Variants in CADM2 observed in about 807,000 individuals in gnomAD.
The protein encoded by CADM2 is immunoglobulin superfamily member 4D.
CADM2 carries 12 observed loss-of-function variants against 49.8 expected under a neutral mutation model. The ratio of observed to expected loss-of-function variants is 0.24; its 90% confidence interval spans 0.15 to 0.39. The LOEUF is 0.39. Among genes scored for constraint, CADM2 ranks in the 10% least tolerant of loss-of-function variants. The probability of loss-of-function intolerance (pLI) is 1.00; values close to 1 mark genes in which losing one functional copy is unlikely to be tolerated. For missense variants in CADM2, 378 were observed against 492.3 expected (o/e 0.77, Z 2.20); for synonymous variants, 214 against 175.4 (o/e 1.22, Z -1.74).
intron 1 of CADM2, among the ~76,000 whole-genome samples, chr3:85,137,288 G>A (rs1230328859): frequency 2.0e-5 from 3 of 151,832 alleles, no homozygotes; most frequent in Non-Finnish European, 4.4e-5. Context: ...TATTTTATAA[G>A]ACTTTGTGTC....
chr3:85,878,977 A>T (rs1712337250), intron 3 of CADM2, among the ~76,000 whole-genome samples: 1 of 151,802 alleles, frequency 6.6e-6, no homozygotes. Context: ...GTGACCTCTT[A>T]AAAAATGTGT....
intron 1 of CADM2, among the ~76,000 whole-genome samples, chr3:85,009,460 T>C (rs1438637692): frequency 2.0e-5 from 3 of 152,188 alleles, no homozygotes; most frequent in Non-Finnish European, 4.4e-5. Flanking sequence ...GTTCCTCATA[T>C]GTAAAATAGA....
At chr3:85,780,462 TAAACAATA>T (rs984975336) in intron 2 of CADM2, among the ~76,000 whole-genome samples, 3 of 152,192 alleles carry the variant, frequency 2.0e-5, no homozygotes, top group African/African-American at 7.2e-5. Context: ...TTATATGTCA[TAAACAATA>T]AAACAAGAAA....
intron 1 of CADM2, among the ~76,000 whole-genome samples, chr3:85,558,253 C>T (rs1214663781): frequency 1.3e-5 from 2 of 151,858 alleles, no homozygotes; most frequent in Non-Finnish European, 2.9e-5. Context: ...GTAAATATAA[C>T]TGGAGGAAGA....
intron 1 of CADM2, among the ~76,000 whole-genome samples, chr3:85,504,183 G>T (rs1339251846): frequency 2.0e-5 from 3 of 151,884 alleles, no homozygotes; most frequent in Non-Finnish European, 4.4e-5. Flanking sequence ...GTGGGTTCGT[G>T]GTCTCGCTGG....
rs866759081 is a variant in CADM2 at position 85,912,615 on chromosome 3, A to G, written c.700+72A>G. ...TTCATCTGCATCTAAAATCATTTCA[A>G]AACTACCTGAAGTTATAGCAAAGGT... On this transcript the variant is annotated intron_variant, in intron 6 of 9. Coordinates refer to ENST00000383699, the MANE Select transcript of CADM2 (RefSeq NM_001167675.2). The G allele has an allele frequency of 1.4e-5, 20 of 1,445,070 alleles. No homozygotes were observed. The Middle Eastern group carries it at 2.5e-3, about 182-fold the overall frequency. 89.5% of individuals were successfully genotyped at this position (1,445,070 alleles called of 1,614,324 possible).
chr3:85,412,177 T>G (rs1229400818), intron 1 of CADM2, among the ~76,000 whole-genome samples: 2 of 152,138 alleles, frequency 1.3e-5, no homozygotes, highest in East Asian at 1.9e-4. Flanking sequence ...AGAATTTGAA[T>G]CAGAATAATG....
intron 2 of CADM2, among the ~76,000 whole-genome samples, chr3:85,773,067 T>C (rs2107961100): frequency 6.6e-6 from 1 of 152,144 alleles, no homozygotes; most frequent in South Asian, 2.1e-4. Flanking sequence ...TTTTTTCTTG[T>C]TCGCATATTG....
intron 5 of CADM2, among the ~76,000 whole-genome samples, chr3:85,900,942 A>T (rs193240334): frequency 6.6e-6 from 1 of 152,304 alleles, no homozygotes; most frequent in East Asian, 1.9e-4. Context: ...TTGGCTAATG[A>T]CCTTCTTTGA....
intron 1 of CADM2, among the ~76,000 whole-genome samples, chr3:85,163,553 G>A (rs973870564): frequency 2.0e-5 from 3 of 151,848 alleles, no homozygotes; most frequent in Admixed American, 1.3e-4. Flanking sequence ...AGGATTTTAC[G>A]CCCTCAGACA....
chr3:85,935,898 CT>C, intron 7 of CADM2, 41 bp downstream of exon 7: 1 of 1,226,234 alleles, frequency 8.2e-7, no homozygotes, highest in Non-Finnish European at 1.2e-6. Flanking sequence ...AACTTTTTTT[CT>C]TTTATCTTGC....
chr3:85,305,479 G>A (rs903722617), intron 1 of CADM2, among the ~76,000 whole-genome samples: 2 of 151,592 alleles, frequency 1.3e-5, no homozygotes, highest in African/African-American at 2.4e-5. Flanking sequence ...TTCAAAGTTA[G>A]TAAATAGGGC....
chr3:85,638,525 A>G (rs1206434490), intron 1 of CADM2, among the ~76,000 whole-genome samples: 2 of 152,120 alleles, frequency 1.3e-5, no homozygotes, highest in African/African-American at 2.4e-5. Flanking sequence ...AGAACTAGTT[A>G]TAAGAAATTC....
chr3:85,638,772 TC>T, intron 1 of CADM2, among the ~76,000 whole-genome samples: 1 of 152,212 alleles, frequency 6.6e-6, no homozygotes, highest in Admixed American at 6.5e-5. Context: ...TTTATTTTTT[TC>T]TTTCTTTCTT....
intron 1 of CADM2, among the ~76,000 whole-genome samples, chr3:85,204,059 G>C (rs2041572248): frequency 6.6e-6 from 1 of 152,126 alleles, no homozygotes. Flanking sequence ...GGTTTCACTA[G>C]AGCTCAAATG....
rs12631897 is a variant in CADM2, at chr3:86,053,475, G to A, written c.971-12130G>A. ...TTGACTATTTTCTTCCAATGTCTTC[G>A]TGGAATAGTTTCAGGAGAGAGCACA... is the stretch of plus-strand genomic sequence containing the variant. On this transcript the variant is annotated intron_variant, in intron 8 of 9. Coordinates refer to ENST00000383699, the MANE Select transcript of CADM2 (RefSeq NM_001167675.2). Among the ~76,000 whole-genome samples, 906 of 152,246 alleles carry A rather than the reference G, an allele frequency of 6.0e-3. 10 individuals carry two copies. Among genetic ancestry groups the A allele is most frequent in the East Asian group, 0.05 (259 of 5,168 alleles).
intron 1 of CADM2, among the ~76,000 whole-genome samples, chr3:85,359,651 TATATATATATATA>T (rs1189344254): frequency 2.6e-4 from 4 of 15,286 alleles, no homozygotes; most frequent in African/African-American, 3.4e-4. Flanking sequence ...TATATATATA[TATATATATATATA>T]TATTTTTTTT....
At chr3:85,624,386 G>A (rs1221484044) in intron 1 of CADM2, among the ~76,000 whole-genome samples, 1 of 152,016 alleles carries the variant, frequency 6.6e-6, no homozygotes, top group Admixed American at 6.6e-5. Flanking sequence ...AGGCTGGAGT[G>A]CAGTGGTGCA....
At chr3:85,435,734 T>C (rs895682422) in intron 1 of CADM2, among the ~76,000 whole-genome samples, 6 of 152,192 alleles carry the variant, frequency 3.9e-5, no homozygotes, top group African/African-American at 1.2e-4. Context: ...TGGTATCTCA[T>C]TGTGGTTTTG....
Sources: allele counts gnomAD v4.1 joint callset (sites outside exome capture counted in the v4.1 genomes callset), GRCh38; gene constraint gnomAD v4.1.1; transcripts MANE v1.5; gene names NCBI Gene and HGNC (gene_info 2026-07-23, HGNC 2026-07-21).